Variants in MS4A8 observed in about 807,000 individuals in gnomAD.
MS4A8 encodes membrane-spanning 4-domains subfamily A member 8.
MS4A8 carries 27 observed loss-of-function variants against 23.7 expected under a neutral mutation model. That is an observed-to-expected ratio of 1.14 (90% CI 0.84 to 1.57). The LOEUF (loss-of-function observed/expected upper bound fraction) is 1.57, where lower values mean the gene tolerates loss of function less well. Ranked by LOEUF, MS4A8 falls within the 40% of genes most tolerant of loss-of-function variation. MS4A8 has a pLI of 0.00. For missense variants in MS4A8, 301 were observed against 311.4 expected (o/e 0.97, Z 0.25); for synonymous variants, 138 against 126.3 (o/e 1.09, Z -0.62).
At chr11:60,702,556 T>C (rs1404811673) in intron 2 of MS4A8, among the ~76,000 whole-genome samples, 1 of 152,130 alleles carries the variant, frequency 6.6e-6, no homozygotes, top group Non-Finnish European at 1.5e-5. Context: ...GCACCCACCA[T>C]CATGCCGAGC....
At chr11:60,713,801 A>C (rs1043710870) in intron 5 of MS4A8, among the ~76,000 whole-genome samples, 11 of 151,808 alleles carry the variant, frequency 7.2e-5, no homozygotes, top group African/African-American at 2.7e-4. Context: ...AAACCTTGGA[A>C]AATACCTGGC....
intron 5 of MS4A8, among the ~76,000 whole-genome samples, chr11:60,709,786 G>A (rs1477506366): frequency 6.6e-6 from 1 of 152,046 alleles, no homozygotes; most frequent in African/African-American, 2.4e-5. Context: ...CCTTTGCTGG[G>A]GCTTTTGCAT....
At chr11:60,714,483 A>C (rs2088325774) in intron 5 of MS4A8, among the ~76,000 whole-genome samples, 1 of 152,168 alleles carries the variant, frequency 6.6e-6, no homozygotes, top group African/African-American at 2.4e-5. Context: ...CCCCACATTC[A>C]GAGGGATGGT....
At chr11:60,701,456 C>A in intron 2 of MS4A8, 1 of 378,774 alleles carries the variant, frequency 2.6e-6, no homozygotes, top group Non-Finnish European at 5.2e-6. Context: ...AATATTTGCC[C>A]AACAGGAAAC....
rs140742571 is a variant in MS4A8, at chr11:60,712,516, G to A, written c.535-2505G>A. On this transcript the variant is annotated intron_variant, in intron 5 of 6. Transcript: ENST00000300226. ...AATCATAATTGAGATAATTGAGGCCGGTCACGGTGGCTCACACCTGTAATC... is the reference window on the plus strand; with the variant it reads ...AATCATAATTGAGATAATTGAGGCCAGTCACGGTGGCTCACACCTGTAATC... 8.3e-3 allele frequency: 8,158 copies of A among 984,816 alleles called. 32 individuals are homozygous for A. Among genetic ancestry groups the A allele is most frequent in the Middle Eastern group, 0.018 (34 of 1,914 alleles). The allele number at this position is 984,816 out of a possible 1,614,324, so 61.0% of individuals were successfully genotyped here.
At position 60,715,124 on chromosome 11, in the gene MS4A8, A is replaced by C. The variant is rs781342837; in HGVS notation, c.638A>C (p.Gln213Pro). The C allele has an allele frequency of 9.9e-6, 16 of 1,613,078 alleles. No homozygotes were observed. The South Asian group carries it at 1.8e-4, about 18-fold the overall frequency. Reference protein sequence around the residue: ...SHFGCQLVCCQSSNVSVIYPN... With the variant: ...SHFGCQLVCCPSSNVSVIYPN... ...TTTGGCTGCCAGTTGGTCTGCTGTCAATCAAGCAATGTGAGTCCCAGGGTT... is the reference window on the plus strand; with the variant it reads ...TTTGGCTGCCAGTTGGTCTGCTGTCCATCAAGCAATGTGAGTCCCAGGGTT... Residue 213 changes from glutamine (Q) to proline (P), a missense_variant, in exon 6 of 7, where the codon CAA (glutamine) becomes CCA (proline). By Grantham distance (76) the Gln-to-Pro change is moderately conservative (BLOSUM62 -1). Coordinates refer to ENST00000300226, the MANE Select transcript of MS4A8 (RefSeq NM_031457.2).
chr11:60,704,883 TAC>T (rs142872210), intron 3 of MS4A8, among the ~76,000 whole-genome samples: 5 of 142,212 alleles, frequency 3.5e-5, no homozygotes, highest in South Asian at 2.3e-4. Context: ...CACACACACA[TAC>T]ACACACACAC....
intron 3 of MS4A8, among the ~76,000 whole-genome samples, chr11:60,706,718 G>T (rs2088259062): frequency 6.6e-6 from 1 of 152,178 alleles, no homozygotes; most frequent in Non-Finnish European, 1.5e-5. Context: ...TTGTAGATGA[G>T]GAAATAAAGA....
At chr11:60,703,214 C>T in intron 2 of MS4A8, 164 bp from the exon 3 acceptor site, 1 of 755,102 alleles carries the variant, frequency 1.3e-6, no homozygotes, top group Non-Finnish European at 1.9e-6. Context: ...TTGTTTTCTC[C>T]AGGCGGAGGG....
intron 5 of MS4A8, among the ~76,000 whole-genome samples, chr11:60,713,310 G>A (rs923505606): frequency 2.0e-5 from 3 of 152,154 alleles, no homozygotes; most frequent in African/African-American, 4.8e-5. Context: ...GGGGACCGGC[G>A]TTCAGCATAC....
intron 5 of MS4A8, among the ~76,000 whole-genome samples, chr11:60,713,949 G>A (rs1409947854): frequency 2.4e-5 from 3 of 122,472 alleles, no homozygotes; most frequent in East Asian, 2.3e-4. Flanking sequence ...ACGGAGTCTC[G>A]CTCTGTCGCC....
At chr11:60,708,875 T>G in intron 5 of MS4A8, 94 bp downstream of exon 5, 1 of 1,474,924 alleles carries the variant, frequency 6.8e-7, no homozygotes, top group Non-Finnish European at 9.5e-7. Flanking sequence ...GCTACCTCAC[T>G]GAACATGGTA....
At chr11:60,707,704 C>CATCACATCA (rs2088268346) in intron 4 of MS4A8, among the ~76,000 whole-genome samples, 1 of 152,056 alleles carries the variant, frequency 6.6e-6, no homozygotes, top group Non-Finnish European at 1.5e-5. Context: ...AATCATGGAG[C>CATCACATCA]ATCTGAGCTT....
intron 5 of MS4A8, among the ~76,000 whole-genome samples, chr11:60,713,339 C>G (rs1044436666): frequency 3.0e-4 from 46 of 152,292 alleles, no homozygotes; most frequent in African/African-American, 9.9e-4. Context: ...CACGTGGGCA[C>G]TGGCCTCTGA....
At chr11:60,708,093 C>T (rs764864683) in intron 4 of MS4A8, among the ~76,000 whole-genome samples, 1 of 152,102 alleles carries the variant, frequency 6.6e-6, no homozygotes, top group African/African-American at 2.4e-5. Flanking sequence ...GGTGATCCAC[C>T]TGCCTCAGCC....
At chr11:60,705,376 T>G (rs1326765758) in intron 3 of MS4A8, among the ~76,000 whole-genome samples, 1 of 152,242 alleles carries the variant, frequency 6.6e-6, no homozygotes, top group Admixed American at 6.5e-5. Flanking sequence ...CTCAAATGCC[T>G]CACTGACCAC....
intron 6 of MS4A8, 40 bp from the exon 7 acceptor site, chr11:60,715,270 G>T (rs572982136): frequency 6.3e-7 from 1 of 1,584,568 alleles, no homozygotes; most frequent in South Asian, 1.1e-5. Context: ...TGCATGGCCC[G>T]TCCTTCTTAG....
rs1172068019 is a variant in MS4A8 at position 60,715,533 on chromosome 11, T to G, written c.*119T>G. 1.4e-5 allele frequency: 10 copies of G among 692,274 alleles called. No individual in the cohort carries two copies. Among genetic ancestry groups the G allele is most frequent in the Non-Finnish European group, 1.7e-5 (7 of 401,628 alleles). 42.9% of individuals were successfully genotyped at this position (692,274 alleles called of 1,614,324 possible). Reference sequence around the variant, plus strand: ...GCTGAGGAAACGTCTCTCCCACTGTTTGTACTCTCACCTTCATTCTTCAAT... The same window carrying G: ...GCTGAGGAAACGTCTCTCCCACTGTGTGTACTCTCACCTTCATTCTTCAAT... On this transcript the variant is annotated 3_prime_UTR_variant, in exon 7 of 7. Coordinates refer to ENST00000300226, the MANE Select transcript of MS4A8 (RefSeq NM_031457.2).
intron 5 of MS4A8, chr11:60,712,644 A>C: frequency 3.7e-6 from 1 of 273,046 alleles, no homozygotes; most frequent in Non-Finnish European, 5.6e-6. Flanking sequence ...ATATACAAAA[A>C]TTAGCCAGGC....
Sources: allele counts gnomAD v4.1 joint callset (sites outside exome capture counted in the v4.1 genomes callset), GRCh38; gene constraint gnomAD v4.1.1; transcripts MANE v1.5; gene names NCBI Gene and HGNC (gene_info 2026-07-23, HGNC 2026-07-21).